SLCO1B1: variants seen among roughly 807,000 people sequenced by gnomAD.
The protein encoded by SLCO1B1 is OATP-2.
SLCO1B1 carries 81 observed loss-of-function variants against 70.1 expected under a neutral mutation model. The observed-to-expected ratio is 1.16, with a 90% confidence interval of 0.97 to 1.39. SLCO1B1 has a LOEUF of 1.39. Among genes scored for constraint, SLCO1B1 ranks in the 40% most tolerant of loss-of-function variants. The probability of loss-of-function intolerance (pLI) is 0.00; values close to 1 mark genes in which losing one functional copy is unlikely to be tolerated. For missense variants in SLCO1B1, 895 were observed against 799.6 expected, an observed-to-expected ratio of 1.12 and a Z score of -1.44; for synonymous variants, 283 against 271.5, an observed-to-expected ratio of 1.04 and a Z score of -0.42.
At chr12:21,209,591 G>C (rs1240412315) in intron 11 of SLCO1B1, among the ~76,000 whole-genome samples, 2 of 152,252 alleles carry the variant, frequency 1.3e-5, no homozygotes, top group East Asian at 1.9e-4. Context: ...GGATGGCTGG[G>C]TCAAATGGTA....
intron 5 of SLCO1B1, among the ~76,000 whole-genome samples, chr12:21,177,374 T>C (rs558558519): frequency 2.3e-4 from 35 of 152,282 alleles, no homozygotes; most frequent in African/African-American, 6.7e-4. Flanking sequence ...ATGGTATAAA[T>C]ATGTAAATAA....
intron 1 of SLCO1B1, 131 bp from the exon 2 acceptor site, chr12:21,141,383 G>A (rs1940305070): frequency 2.4e-6 from 1 of 422,926 alleles, no homozygotes; most frequent in Admixed American, 3.4e-5. Context: ...TAGCAGAGTG[G>A]TAACGACATA....
chr12:21,190,837 A>G (rs1337772454), intron 7 of SLCO1B1, among the ~76,000 whole-genome samples: 1 of 152,080 alleles, frequency 6.6e-6, no homozygotes, highest in Non-Finnish European at 1.5e-5. Flanking sequence ...AAGTTCCTGC[A>G]AAATTTTTCA....
At chr12:21,139,693 A>G (rs1940280127) in intron 1 of SLCO1B1, among the ~76,000 whole-genome samples, 1 of 152,166 alleles carries the variant, frequency 6.6e-6, no homozygotes. Context: ...CTGGACTTTC[A>G]TGGGCATTCA....
chr12:21,156,583 GA>G (rs1408627719), intron 2 of SLCO1B1, among the ~76,000 whole-genome samples: 1 of 151,948 alleles, frequency 6.6e-6, no homozygotes, highest in Non-Finnish European at 1.5e-5. Flanking sequence ...GTTAATAACA[GA>G]AAAAATATCA....
chr12:21,178,190 G>A (rs748367086), intron 5 of SLCO1B1, among the ~76,000 whole-genome samples: 7 of 151,986 alleles, frequency 4.6e-5, no homozygotes, highest in African/African-American at 7.2e-5. Flanking sequence ...TACTGTTCTC[G>A]TGGTAATGAA....
chr12:21,146,943 T>C (rs1940393421), intron 2 of SLCO1B1, among the ~76,000 whole-genome samples: 1 of 152,158 alleles, frequency 6.6e-6, no homozygotes, highest in African/African-American at 2.4e-5. Context: ...ATCCAGTTAA[T>C]TGATGATGTT....
chr12:21,214,564 C>G (rs1941332668), intron 11 of SLCO1B1, among the ~76,000 whole-genome samples: 1 of 151,030 alleles, frequency 6.6e-6, no homozygotes, highest in Non-Finnish European at 1.5e-5. Flanking sequence ...GGCAGGCAGG[C>G]CTCCTTGAGC....
intron 7 of SLCO1B1, among the ~76,000 whole-genome samples, chr12:21,192,409 T>G (rs1217873824): frequency 1.3e-5 from 2 of 151,946 alleles, no homozygotes; most frequent in Non-Finnish European, 2.9e-5. Context: ...TATGATTGTT[T>G]TATTTTTCTA....
intron 14 of SLCO1B1, among the ~76,000 whole-genome samples, chr12:21,228,456 G>A (rs986378862): frequency 2.0e-5 from 3 of 152,134 alleles, no homozygotes; most frequent in African/African-American, 7.2e-5. Context: ...CTCCTCTGTG[G>A]ATTCTTTAAA....
chr12:21,138,955 T>C (rs1391241579), intron 1 of SLCO1B1, among the ~76,000 whole-genome samples: 1 of 152,154 alleles, frequency 6.6e-6, no homozygotes, highest in Non-Finnish European at 1.5e-5. Flanking sequence ...TTTGTGTCGT[T>C]AAAGGGATCT....
At chr12:21,133,086 G>A (rs2121018543) in intron 1 of SLCO1B1, among the ~76,000 whole-genome samples, 1 of 152,222 alleles carries the variant, frequency 6.6e-6, no homozygotes, top group Non-Finnish European at 1.5e-5. Flanking sequence ...TTATTAAATA[G>A]GGAATCCTTT....
intron 10 of SLCO1B1, 61 bp from the exon 11 acceptor site, chr12:21,205,807 C>T (rs894558166): frequency 2.4e-6 from 3 of 1,238,058 alleles, no homozygotes; most frequent in African/African-American, 1.5e-5. Context: ...CTTCTCCTCC[C>T]CTTCTTTGTC....
At chr12:21,141,249 G>A (rs1183385264) in intron 1 of SLCO1B1, among the ~76,000 whole-genome samples, 1 of 145,812 alleles carries the variant, frequency 6.9e-6, no homozygotes, top group African/African-American at 2.4e-5. Context: ...GTAATCTGGT[G>A]TGTGATTCTA....
At chr12:21,238,566 T>A (rs116946525) in intron 14 of SLCO1B1, among the ~76,000 whole-genome samples, 1,930 of 152,192 alleles carry the variant, frequency 0.013, 18 homozygotes, top group Non-Finnish European at 0.02. Context: ...AAGCCTTTAT[T>A]AATATGGTGT....
At chr12:21,167,618 C>T (rs779230757) in intron 2 of SLCO1B1, among the ~76,000 whole-genome samples, 1 of 152,042 alleles carries the variant, frequency 6.6e-6, no homozygotes, top group Non-Finnish European at 1.5e-5. Flanking sequence ...CCTTTTCAAC[C>T]AATTTTTAAG....
At chr12:21,159,439 A>G (rs1940584156) in intron 2 of SLCO1B1, among the ~76,000 whole-genome samples, 1 of 152,170 alleles carries the variant, frequency 6.6e-6, no homozygotes, top group Non-Finnish European at 1.5e-5. Context: ...GTAATTGAAA[A>G]TACCTATGAC....
chr12:21,201,256 A>G (rs1941154079), intron 9 of SLCO1B1, among the ~76,000 whole-genome samples: 1 of 152,132 alleles, frequency 6.6e-6, no homozygotes, highest in African/African-American at 2.4e-5. Context: ...CAATATAAAT[A>G]TATGATGAAT....
intron 1 of SLCO1B1, among the ~76,000 whole-genome samples, chr12:21,135,553 G>A (rs7484637): frequency 0.028 from 4,206 of 152,118 alleles, 187 homozygotes; most frequent in African/African-American, 0.096. Context: ...GATAGTTAGC[G>A]CTTCTTGTTG....
Sources: gnomAD v4.1 joint callset for allele counts (sites outside exome capture counted in the v4.1 genomes callset) on GRCh38, gnomAD v4.1.1 for gene constraint, MANE v1.5 for transcripts, NCBI Gene and HGNC (gene_info 2026-07-23, HGNC 2026-07-21) for gene names.